The following MSRA variants were observed in gnomAD, a reference collection of about 807,000 sequenced individuals.
MSRA encodes the protein mitochondrial peptide methionine sulfoxide reductase.
MSRA carries 54 observed loss-of-function variants against 31.3 expected under a neutral mutation model. The ratio of observed to expected loss-of-function variants is 1.73; its 90% CI spans 1.39 to 2.17. The LOEUF (loss-of-function observed/expected upper bound fraction) is 2.17, where lower values mean the gene tolerates loss of function less well. Among genes scored for constraint, MSRA ranks in the 30% most tolerant of loss-of-function variants. MSRA has a pLI of 0.00. For synonymous variants in MSRA, 169 were observed against 116.5 expected, an observed-to-expected ratio of 1.45 and a Z score of -2.90; for missense variants, 507 against 300.9, an observed-to-expected ratio of 1.69 and a Z score of -5.07.
At chr8:10,124,336 G>A (rs1801340604) in intron 1 of MSRA, among the ~76,000 whole-genome samples, 2 of 152,154 alleles carry the variant, frequency 1.3e-5, no homozygotes, top group South Asian at 4.1e-4. Flanking sequence ...GGCCTCAAAG[G>A]GCTTTTCCCT....
intron 1 of MSRA, among the ~76,000 whole-genome samples, chr8:10,151,438 T>G (rs1803669272): frequency 6.6e-6 from 1 of 151,752 alleles, no homozygotes; most frequent in Non-Finnish European, 1.5e-5. Flanking sequence ...GGTCAGGATA[T>G]CGAGACCATC....
rs553391824 is a variant in MSRA at position 10,120,742 on chromosome 8, C to G, written c.142+66084C>G. Among the ~76,000 whole-genome samples, 8 of 152,276 alleles carry G rather than the reference C, an allele frequency of 5.3e-5. No individual in the cohort carries two copies. The South Asian group carries it at 1.7e-3, about 32-fold the overall frequency. On this transcript the variant is annotated intron_variant, in intron 1 of 5. Transcript: ENST00000317173. ...AATCTAATGGAAGCTCTTAACTGAC[C>G]TGCCCTTGCAGACTCACTGTGTTAA...
At chr8:10,128,972 C>T (rs1217007701) in intron 1 of MSRA, among the ~76,000 whole-genome samples, 1 of 152,184 alleles carries the variant, frequency 6.6e-6, no homozygotes, top group Non-Finnish European at 1.5e-5. Context: ...CCTTACTTAA[C>T]CCTTTACGCT....
At chr8:10,218,114 C>CTATCTATT (rs1554493659) in intron 2 of MSRA, among the ~76,000 whole-genome samples, 4 of 138,798 alleles carry the variant, frequency 2.9e-5, no homozygotes, top group Admixed American at 1.5e-4. Context: ...GGTTCCTTTT[C>CTATCTATT]TATTTATTTA....
intron 1 of MSRA, among the ~76,000 whole-genome samples, chr8:10,117,991 A>G (rs549727903): frequency 6.6e-6 from 1 of 152,320 alleles, no homozygotes; most frequent in African/African-American, 2.4e-5. Flanking sequence ...TCACTCTGAG[A>G]GAGGTTTAAT....
intron 1 of MSRA, among the ~76,000 whole-genome samples, chr8:10,147,885 CACA>C (rs1276733986): frequency 6.6e-6 from 1 of 152,196 alleles, no homozygotes; most frequent in Non-Finnish European, 1.5e-5. Context: ...GACCCCGGAC[CACA>C]ACAACCGTGT....
At chr8:10,353,241 A>G (rs1357450615) in intron 5 of MSRA, among the ~76,000 whole-genome samples, 1 of 152,118 alleles carries the variant, frequency 6.6e-6, no homozygotes, top group African/African-American at 2.4e-5. Context: ...GCAAATAACC[A>G]ATTTCTTGAG....
intron 2 of MSRA, among the ~76,000 whole-genome samples, chr8:10,211,397 C>G (rs929182349): frequency 6.6e-6 from 1 of 152,178 alleles, no homozygotes; most frequent in Admixed American, 6.5e-5. Context: ...CTCTGTGGCT[C>G]TCCCTCTCCT....
At chr8:10,309,335 C>T (rs186213886) in intron 4 of MSRA, among the ~76,000 whole-genome samples, 7 of 152,378 alleles carry the variant, frequency 4.6e-5, no homozygotes, top group South Asian at 2.1e-4. Context: ...CCGTGCAGAG[C>T]GTGGCGCCTG....
intron 1 of MSRA, among the ~76,000 whole-genome samples, chr8:10,100,611 A>G (rs1339242160): frequency 6.6e-6 from 1 of 152,148 alleles, no homozygotes; most frequent in Non-Finnish European, 1.5e-5. Context: ...ATCAAGTGAA[A>G]GAAAAGGTTT....
chr8:10,283,836 T>TACAC lies in MSRA; in HGVS notation c.332-17668_332-17665dup, dbSNP rs372503609. On this transcript the variant is annotated intron_variant, in intron 3 of 5. Transcript: ENST00000317173. ...ATATATATATATATATATATATATA[T>TACAC]ACACACACACACACACACACACACA... 2.6e-3 allele frequency among the ~76,000 whole-genome samples: 140 copies of TACAC among 53,144 alleles called. 2 individuals are homozygous for TACAC. Among genetic ancestry groups the TACAC allele is most frequent in the Admixed American group, 3.5e-3 (14 of 3,994 alleles). The allele number at this position is 53,144 out of a possible 152,430, so 34.9% of individuals were successfully genotyped here. A position where few individuals can be genotyped will look rare whatever the true frequency, so the allele number is the denominator to read the frequency against.
chr8:10,313,438 A>G (rs186005516), intron 4 of MSRA, among the ~76,000 whole-genome samples: 19 of 152,120 alleles, frequency 1.2e-4, no homozygotes, highest in Non-Finnish European at 1.8e-4. Context: ...AGGAACTGGT[A>G]CCTTGAAGTG....
At chr8:10,319,258 G>T (rs1348122884) in intron 4 of MSRA, among the ~76,000 whole-genome samples, 4 of 152,172 alleles carry the variant, frequency 2.6e-5, no homozygotes. Context: ...CAGGGGATCT[G>T]TGGCAACCCT....
intron 5 of MSRA, among the ~76,000 whole-genome samples, chr8:10,395,591 A>T (rs17151899): frequency 0.21 from 31,330 of 152,160 alleles, 4,629 homozygotes; most frequent in East Asian, 0.74. Flanking sequence ...CTCTTGCAGA[A>T]GTCCAGGCAG....
At chr8:10,185,724 G>A (rs1286198417) in intron 1 of MSRA, among the ~76,000 whole-genome samples, 1 of 152,194 alleles carries the variant, frequency 6.6e-6, no homozygotes. Flanking sequence ...AATCCTGGAT[G>A]AGGCCTGAAC....
intron 3 of MSRA, among the ~76,000 whole-genome samples, chr8:10,283,897 A>G (rs1297399975): frequency 7.0e-6 from 1 of 143,744 alleles, no homozygotes; most frequent in Non-Finnish European, 1.5e-5. Context: ...TTATCTACTC[A>G]TTGATTGATG....
chr8:10,266,186 G>A (rs144968301), intron 3 of MSRA, among the ~76,000 whole-genome samples: 1 of 152,202 alleles, frequency 6.6e-6, no homozygotes, highest in Non-Finnish European at 1.5e-5. Flanking sequence ...TTCTGGAGTA[G>A]TTGTACCATT....
At chr8:10,132,053 G>A (rs1272687342) in intron 1 of MSRA, among the ~76,000 whole-genome samples, 2 of 152,158 alleles carry the variant, frequency 1.3e-5, no homozygotes, top group African/African-American at 2.4e-5. Context: ...ACTGACATGT[G>A]TTATCTTCTG....
At chr8:10,371,571 G>A (rs993608514) in intron 5 of MSRA, among the ~76,000 whole-genome samples, 3 of 152,158 alleles carry the variant, frequency 2.0e-5, no homozygotes, top group Non-Finnish European at 2.9e-5. Flanking sequence ...AAGAGACATT[G>A]GTCATCAAGC....
Sources: gnomAD v4.1 joint callset for allele counts (sites outside exome capture counted in the v4.1 genomes callset) on GRCh38, gnomAD v4.1.1 for gene constraint, MANE v1.5 for transcripts, NCBI Gene and HGNC (gene_info 2026-07-23, HGNC 2026-07-21) for gene names.